The following PLCB1 variants were observed in gnomAD, a reference collection of about 807,000 sequenced individuals.
PLCB1 encodes the protein phospholipase C beta 1, also known as 1-phosphatidylinositol 4,5-bisphosphate phosphodiesterase beta-1.
In PLCB1, 46 loss-of-function variants were observed where a neutral mutation model predicts 161.8. The ratio of observed to expected loss-of-function variants is 0.28; its 90% CI spans 0.22 to 0.36. The LOEUF is 0.36. Ranked by LOEUF, PLCB1 falls within the 10% of genes least tolerant of loss-of-function variation. The probability of loss-of-function intolerance (pLI) is 1.00; values close to 1 mark genes in which losing one functional copy is unlikely to be tolerated. For synonymous variants in PLCB1, 517 were observed against 503.7 expected (o/e 1.03, Z -0.35); for missense variants, 1,016 against 1,472.5 (o/e 0.69, Z 5.07).
At chr20:8,414,367 CA>C (rs1487759563) in intron 3 of PLCB1, among the ~76,000 whole-genome samples, 1 of 152,080 alleles carries the variant, frequency 6.6e-6, no homozygotes, top group African/African-American at 2.4e-5. Context: ...AACAAACAAA[CA>C]AAAACTTGGA....
chr20:8,230,782 C>A (rs1434353682), intron 2 of PLCB1, among the ~76,000 whole-genome samples: 1 of 151,906 alleles, frequency 6.6e-6, no homozygotes, highest in Non-Finnish European at 1.5e-5. Context: ...AGTGTAGATA[C>A]AGAACATTTT....
intron 20 of PLCB1, among the ~76,000 whole-genome samples, chr20:8,737,572 A>G (rs1271492748): frequency 6.6e-6 from 1 of 152,218 alleles, no homozygotes; most frequent in African/African-American, 2.4e-5. Flanking sequence ...TTTAAAAGGA[A>G]TATTATTTAA....
intron 24 of PLCB1, 142 bp downstream of exon 24, chr20:8,757,320 C>A: frequency 1.3e-6 from 1 of 771,652 alleles, no homozygotes; most frequent in Non-Finnish European, 2.0e-6. Flanking sequence ...CGTCAATGTG[C>A]AATTAATGAA....
intron 2 of PLCB1, among the ~76,000 whole-genome samples, chr20:8,234,855 GCTAA>G (rs56820748): frequency 2.6e-5 from 4 of 152,192 alleles, no homozygotes; most frequent in African/African-American, 7.2e-5. Context: ...TTGCCATGAT[GCTAA>G]CTGTCACCCG....
intron 2 of PLCB1, among the ~76,000 whole-genome samples, chr20:8,201,798 A>G (rs946688745): frequency 3.3e-5 from 5 of 152,246 alleles, no homozygotes; most frequent in East Asian, 1.9e-4. Flanking sequence ...TGATGCTATC[A>G]GTGACATGGT....
At chr20:8,518,674 G>C (rs1361966590) in intron 3 of PLCB1, among the ~76,000 whole-genome samples, 1 of 152,082 alleles carries the variant, frequency 6.6e-6, no homozygotes, top group Non-Finnish European at 1.5e-5. Flanking sequence ...TTTTTCCATG[G>C]ACCAGGGCAG....
intron 2 of PLCB1, among the ~76,000 whole-genome samples, chr20:8,246,370 T>A (rs912660898): frequency 6.6e-6 from 1 of 151,948 alleles, no homozygotes; most frequent in African/African-American, 2.4e-5. Flanking sequence ...TAGGGGCAAT[T>A]GAGCCATAAA....
At chr20:8,417,594 C>G (rs2122534611) in intron 3 of PLCB1, among the ~76,000 whole-genome samples, 1 of 151,976 alleles carries the variant, frequency 6.6e-6, no homozygotes, top group East Asian at 1.9e-4. Flanking sequence ...TAGGGGAGCT[C>G]AAGATACAGG....
intron 3 of PLCB1, among the ~76,000 whole-genome samples, chr20:8,450,425 A>G (rs1388164240): frequency 3.9e-5 from 6 of 152,092 alleles, no homozygotes; most frequent in Non-Finnish European, 1.5e-5. Flanking sequence ...ATAGGTAGAG[A>G]CATCCATCAG....
chr20:8,697,877 AT>A (rs1990616087), intron 11 of PLCB1, 94 bp downstream of exon 11: 8 of 1,134,622 alleles, frequency 7.1e-6, no homozygotes, highest in Non-Finnish European at 1.0e-5. Context: ...AGTGGTCACA[AT>A]TAAGTCCAAA....
intron 14 of PLCB1, among the ~76,000 whole-genome samples, chr20:8,721,347 T>C (rs1979622013): frequency 6.6e-6 from 1 of 152,230 alleles, no homozygotes; most frequent in Non-Finnish European, 1.5e-5. Flanking sequence ...CCCTGAAAGA[T>C]AGTAGTTAAA....
At chr20:8,312,943 G>GA (rs1984474118) in intron 2 of PLCB1, among the ~76,000 whole-genome samples, 1 of 152,116 alleles carries the variant, frequency 6.6e-6, no homozygotes, top group South Asian at 2.1e-4. Context: ...TAGAGTCACA[G>GA]AAAAAGTGTT....
chr20:8,362,708 C>A (rs865777489), intron 2 of PLCB1, among the ~76,000 whole-genome samples: 10 of 152,176 alleles, frequency 6.6e-5, no homozygotes, highest in African/African-American at 2.4e-4. Context: ...AACTGCATAT[C>A]TGCTGATATA....
chr20:8,422,840 G>T (rs960104834), intron 3 of PLCB1, among the ~76,000 whole-genome samples: 4 of 152,080 alleles, frequency 2.6e-5, no homozygotes, highest in Admixed American at 1.3e-4. Flanking sequence ...TTGATTCTGG[G>T]TTCAAATCTG....
chr20:8,365,890 A>G (rs1439568257), intron 2 of PLCB1, among the ~76,000 whole-genome samples: 3 of 152,170 alleles, frequency 2.0e-5, no homozygotes, highest in African/African-American at 4.8e-5. Flanking sequence ...TTGGGTGACT[A>G]ATGGAATTCA....
intron 2 of PLCB1, among the ~76,000 whole-genome samples, chr20:8,241,527 A>G (rs906340999): frequency 6.6e-6 from 1 of 151,676 alleles, no homozygotes; most frequent in Non-Finnish European, 1.5e-5. Flanking sequence ...CTGTAGGAGT[A>G]AAAAAAATAC....
intron 31 of PLCB1, among the ~76,000 whole-genome samples, chr20:8,812,111 T>TG (rs1984852769): frequency 6.6e-6 from 1 of 152,094 alleles, no homozygotes; most frequent in Admixed American, 6.6e-5. Flanking sequence ...AAGTCAGATC[T>TG]GGGGGGCTAG....
At position 8,846,455 on chromosome 20, in the gene PLCB1, T is replaced by C. The variant is rs117002729; in HGVS notation, c.3424-35167T>C. 2.2e-3 allele frequency among the ~76,000 whole-genome samples: 341 copies of C among 152,252 alleles called. 1 individual carries two copies. The highest frequency in any genetic ancestry group is 7.5e-3 in the South Asian group (36 of 4,812). On this transcript the variant is annotated intron_variant, in intron 31 of 31. Transcript: ENST00000338037. Reference sequence around the variant, plus strand: ...ACTCAGGGATCCTCAAACTTTAATATGCATGCTAATCAACTTGAGGTTCTA... The same window carrying C: ...ACTCAGGGATCCTCAAACTTTAATACGCATGCTAATCAACTTGAGGTTCTA...
chr20:8,332,960 C>T (rs2719771), intron 2 of PLCB1, among the ~76,000 whole-genome samples: 4 of 151,982 alleles, frequency 2.6e-5, no homozygotes, highest in Non-Finnish European at 5.9e-5. Flanking sequence ...AGATGGCTAG[C>T]TGATCACTAA....
Sources: gnomAD v4.1 joint callset for allele counts (sites outside exome capture counted in the v4.1 genomes callset) on GRCh38, gnomAD v4.1.1 for gene constraint, MANE v1.5 for transcripts, NCBI Gene and HGNC (gene_info 2026-07-23, HGNC 2026-07-21) for gene names.